The following ALG9 variants were observed in gnomAD, a reference collection of about 807,000 sequenced individuals.
ALG9 encodes the protein ALG9 alpha-1,2-mannosyltransferase, also known as alpha-1,2-mannosyltransferase ALG9.
A neutral mutation model predicts 81.8 loss-of-function variants in ALG9; 55 were observed. That is an observed-to-expected ratio of 0.67 (90% CI 0.54 to 0.84). ALG9 has a LOEUF of 0.84. Among genes scored for constraint, ALG9 ranks in the 40% least tolerant of loss-of-function variants. ALG9 has a pLI of 0.00. For synonymous variants in ALG9, 278 were observed against 274.3 expected (o/e 1.01, Z -0.13); for missense variants, 629 against 745.0 (o/e 0.84, Z 1.81).
chr11:111,866,809 T>C (rs1592425000), intron 3 of ALG9, among the ~76,000 whole-genome samples: 1 of 148,932 alleles, frequency 6.7e-6, no homozygotes, highest in Non-Finnish European at 1.5e-5. Flanking sequence ...AAACCAGAAA[T>C]GAGGCCAGGT....
intron 12 of ALG9, among the ~76,000 whole-genome samples, 198 bp downstream of exon 12, chr11:111,837,270 C>A (rs1327739717): frequency 6.6e-6 from 1 of 152,112 alleles, no homozygotes; most frequent in Non-Finnish European, 1.5e-5. Context: ...CTACCTAGAC[C>A]CAGCCCTCAG....
intron 14 of ALG9, among the ~76,000 whole-genome samples, chr11:111,792,529 A>G (rs563633757): frequency 6.6e-6 from 1 of 152,362 alleles, no homozygotes; most frequent in African/African-American, 2.4e-5. Flanking sequence ...TCAAAGTCCA[A>G]GTGAATTTGT....
intron 5 of ALG9, among the ~76,000 whole-genome samples, chr11:111,860,344 A>G (rs1555146767): frequency 2.0e-5 from 3 of 152,236 alleles, no homozygotes; most frequent in Non-Finnish European, 2.9e-5. Context: ...CTTACATGGT[A>G]GGATTGTTAC....
chr11:111,796,414 G>A (rs1161011683), intron 14 of ALG9, among the ~76,000 whole-genome samples: 1 of 152,200 alleles, frequency 6.6e-6, no homozygotes, highest in Non-Finnish European at 1.5e-5. Flanking sequence ...AAACCTGAGA[G>A]CTTCTATGGC....
intron 13 of ALG9, among the ~76,000 whole-genome samples, chr11:111,817,730 G>A (rs1407940683): frequency 6.6e-6 from 1 of 151,608 alleles, no homozygotes; most frequent in African/African-American, 2.4e-5. Context: ...ATATTTCTAT[G>A]GCAGTGGGAA....
chr11:111,786,986 C>T (rs540635985), intron 14 of ALG9, among the ~76,000 whole-genome samples: 64 of 152,120 alleles, frequency 4.2e-4, no homozygotes, highest in African/African-American at 1.4e-3. Context: ...CCAGTATTGT[C>T]TAAGTCAAGG....
chr11:111,768,916 A>G, the ALG9 span: 1 of 152,030 alleles, frequency 6.6e-6, no homozygotes, highest in East Asian at 1.9e-4. Flanking sequence ...ATGGATTCAT[A>G]TATTTAATAC....
At chr11:111,838,051 TAAAAGG>T (rs1555119321) in intron 11 of ALG9, among the ~76,000 whole-genome samples, 192 bp downstream of exon 11, 1 of 152,154 alleles carries the variant, frequency 6.6e-6, no homozygotes, top group Non-Finnish European at 1.5e-5. Flanking sequence ...TTAATCACAC[TAAAAGG>T]AATTCTCAAT....
At chr11:111,788,338 G>A (rs1236522997) in intron 14 of ALG9, 2 of 448,088 alleles carry the variant, frequency 4.5e-6, no homozygotes, top group Admixed American at 4.9e-5. Flanking sequence ...CTTCAACAGT[G>A]AACTCTATCA....
intron 12 of ALG9, chr11:111,836,643 A>G (rs1555117904): frequency 3.0e-6 from 1 of 333,364 alleles, no homozygotes; most frequent in African/African-American, 2.2e-5. Flanking sequence ...GTGTAGAGAA[A>G]AAGAATGAAA....
At position 111,857,673 on chromosome 11, in the gene ALG9, G is replaced by T. The variant is rs782539986; in HGVS notation, c.630C>A (p.Asp210Glu). The change falls in exon 6 of 15, where the codon GAC (aspartate) becomes GAA (glutamate). Residue 210 changes from aspartate to glutamate, a missense_variant. Physicochemically the swap from Asp to Glu is conservative, Grantham distance 45 (BLOSUM62 2). Coordinates refer to ENST00000616540, the MANE Select transcript of ALG9 (RefSeq NM_024740.2). Reference protein sequence around the residue: ...TLIAMTGWYMDKTSIAVLGVA... With the variant: ...TLIAMTGWYMEKTSIAVLGVA... ...CTCCCAGCACAGCAATGGAAGTCTT[G>T]TCCATATACCATCCAGTCATGGCTA... 6.2e-7 allele frequency: 1 copy of T among 1,614,180 alleles called. No homozygotes were observed.
At chr11:111,859,231 C>T (rs532276043) in intron 5 of ALG9, among the ~76,000 whole-genome samples, 4 of 152,184 alleles carry the variant, frequency 2.6e-5, no homozygotes, top group Non-Finnish European at 5.9e-5. Context: ...AGGCCACGTG[C>T]GGTGGCTCAC....
intron 6 of ALG9, among the ~76,000 whole-genome samples, chr11:111,854,663 ATGT>A (rs1250206016): frequency 1.3e-5 from 2 of 152,122 alleles, no homozygotes; most frequent in Non-Finnish European, 2.9e-5. Context: ...TTGAACCTCC[ATGT>A]TGTTATGTAA....
chr11:111,809,784 G>C lies in ALG9; in HGVS notation c.1603-11C>G. On this transcript the variant is annotated splice_polypyrimidine_tract_variant and intron_variant, in intron 13 of 14. Transcript: ENST00000616540. ...TTTACTGATATCAATCTGAAATGGA[G>C]AAAGGCCAACTCTTCATTAGTAATT... 14 of 1,613,810 alleles carry C rather than the reference G, an allele frequency of 8.7e-6. No individual in the cohort carries two copies. The highest frequency in any genetic ancestry group is 1.2e-5 in the Non-Finnish European group (14 of 1,179,780).
In ALG9 at chr11:111,870,280, G is replaced by C; in HGVS notation, c.222C>G (p.Leu74=). 3 of 1,611,252 alleles carry C rather than the reference G, an allele frequency of 1.9e-6. No homozygotes were observed. The highest frequency in any genetic ancestry group is 2.5e-6 in the Non-Finnish European group (3 of 1,179,282). Residue 74 remains leucine (L), a synonymous_variant, in exon 2 of 15, where the codon CTC becomes CTG. Transcript: ENST00000616540. ...CLLSARLCAA[L]LSNISDCDET... ...CATCACAGTCAGAGATGTTGCTCAG[G>C]AGAGCAGCACATAACCTTGCTGAAA...
At chr11:111,839,958 T>A (rs1555122027) in intron 10 of ALG9, among the ~76,000 whole-genome samples, 1 of 151,922 alleles carries the variant, frequency 6.6e-6, no homozygotes, top group East Asian at 1.9e-4. Flanking sequence ...AGAAAGGGAA[T>A]GGGGGAACAA....
At chr11:111,869,504 G>A (rs1221946583) in intron 2 of ALG9, among the ~76,000 whole-genome samples, 4 of 152,088 alleles carry the variant, frequency 2.6e-5, no homozygotes, top group East Asian at 3.9e-4. Context: ...ATTTGGACAC[G>A]AGAAGTGGAA....
chr11:111,807,351 C>A (rs1555086131), intron 14 of ALG9, among the ~76,000 whole-genome samples: 1 of 152,134 alleles, frequency 6.6e-6, no homozygotes, highest in Admixed American at 6.6e-5. Context: ...CCTTATGCCA[C>A]AGCCTTTCAC....
chr11:111,771,795 T>C, the ALG9 span, among the ~76,000 whole-genome samples: 17 of 152,300 alleles, frequency 1.1e-4, no homozygotes, highest in Admixed American at 2.6e-4. Context: ...TATTTTAAAT[T>C]TGTATTTATG....
Sources: gnomAD v4.1 joint callset for allele counts (sites outside exome capture counted in the v4.1 genomes callset) on GRCh38, gnomAD v4.1.1 for gene constraint, MANE v1.5 for transcripts, NCBI Gene and HGNC (gene_info 2026-07-23, HGNC 2026-07-21) for gene names.